The following AGO4 variants were observed in gnomAD, a reference collection of about 807,000 sequenced individuals.
The protein encoded by AGO4 is argonaute RISC component 4.
In AGO4, 33 loss-of-function variants were observed where a neutral mutation model predicts 104.7. The ratio of observed to expected loss-of-function variants is 0.32; its 90% confidence interval spans 0.24 to 0.42. AGO4 has a LOEUF of 0.42. AGO4 is among the 10% of genes least tolerant of loss of function. The pLI is 1.00. For synonymous variants in AGO4, 331 were observed against 364.7 expected (o/e 0.91, Z 1.05); for missense variants, 711 against 1,083.4 (o/e 0.66, Z 4.83).
intron 13 of AGO4, among the ~76,000 whole-genome samples, chr1:35,836,542 T>C (rs1246167677): frequency 5.9e-5 from 9 of 152,230 alleles, no homozygotes; most frequent in African/African-American, 1.7e-4. Flanking sequence ...CCCCAGTACC[T>C]GGGACTACAG....
At chr1:35,819,966 A>G (rs1643856157) in intron 2 of AGO4, among the ~76,000 whole-genome samples, 1 of 152,178 alleles carries the variant, frequency 6.6e-6, no homozygotes, top group African/African-American at 2.4e-5. Context: ...TAAGGCTCCT[A>G]CACTGGGTCT....
chr1:35,824,918 G>A (rs1437486402), intron 3 of AGO4, among the ~76,000 whole-genome samples: 1 of 152,034 alleles, frequency 6.6e-6, no homozygotes, highest in East Asian at 1.9e-4. Context: ...CGAAAACTCT[G>A]TACCTATTAA....
intron 3 of AGO4, 139 bp from the exon 4 acceptor site, chr1:35,825,174 A>T: frequency 1.3e-6 from 1 of 789,922 alleles, no homozygotes; most frequent in Non-Finnish European, 2.0e-6. Flanking sequence ...ATGGACACTA[A>T]GTTGTTTCCA....
intron 13 of AGO4, among the ~76,000 whole-genome samples, chr1:35,840,450 C>A (rs1364945710): frequency 6.6e-6 from 1 of 152,130 alleles, no homozygotes; most frequent in Non-Finnish European, 1.5e-5. Context: ...GCGTGAGTCA[C>A]CATGCCCGGC....
At chr1:35,839,984 G>A (rs1644400328) in intron 13 of AGO4, among the ~76,000 whole-genome samples, 2 of 151,372 alleles carry the variant, frequency 1.3e-5, no homozygotes, top group Non-Finnish European at 2.9e-5. Flanking sequence ...AAAAAAAAAG[G>A]GTATTGTTTT....
intron 1 of AGO4, among the ~76,000 whole-genome samples, chr1:35,809,288 C>T (rs778868882): frequency 1.3e-5 from 2 of 152,232 alleles, no homozygotes; most frequent in Non-Finnish European, 2.9e-5. Flanking sequence ...GGGCCTGGTG[C>T]TTCCACCTCA....
At chr1:35,826,148 C>G (rs1333982508) in intron 6 of AGO4, 88 bp downstream of exon 6, 5 of 1,519,032 alleles carry the variant, frequency 3.3e-6, no homozygotes, top group Non-Finnish European at 4.4e-6. Flanking sequence ...ACCTGGGCTT[C>G]GGTCTCAGGC....
intron 13 of AGO4, among the ~76,000 whole-genome samples, chr1:35,836,600 G>A (rs1463071234): frequency 2.6e-5 from 4 of 152,116 alleles, no homozygotes; most frequent in East Asian, 1.9e-4. Flanking sequence ...TAGTAGAGAC[G>A]GGGTTTCACC....
chr1:35,844,577 T>G (rs1481990406), intron 15 of AGO4, among the ~76,000 whole-genome samples: 1 of 152,092 alleles, frequency 6.6e-6, no homozygotes, highest in African/African-American at 2.4e-5. Context: ...CTCAGCTGCC[T>G]CTCCTCTACT....
Position 35,841,818 on chromosome 1 carries a change from A to G in AGO4, c.2175+68A>G, listed in dbSNP as rs1281170915. On this transcript the variant is annotated intron_variant, in intron 15 of 17. Coordinates refer to ENST00000373210, the MANE Select transcript of AGO4 (RefSeq NM_017629.4). This position sits in a 1 kb window ranked among gnomAD's most constrained non-coding sequence, Gnocchi z 4.7. ...AAGAGATGTATATATGCACATATAT[A>G]TATATATATATATATATATACACCA... 1.8e-5 allele frequency: 13 copies of G among 742,288 alleles called. No homozygotes were observed. The East Asian group carries it at 5.1e-4, about 29-fold the overall frequency. 46.0% of individuals were successfully genotyped at this position (742,288 alleles called of 1,614,324 possible). A position where few individuals can be genotyped will look rare whatever the true frequency, so the allele number is the denominator to read the frequency against.
intron 7 of AGO4, among the ~76,000 whole-genome samples, chr1:35,828,516 C>G (rs1436587859): frequency 2.0e-5 from 3 of 151,898 alleles, no homozygotes; most frequent in African/African-American, 7.3e-5. Context: ...TCCTAATCAC[C>G]CAACACTTCT....
chr1:35,825,259 T>A, intron 3 of AGO4, 54 bp from the exon 4 acceptor site: 4 of 1,574,008 alleles, frequency 2.5e-6, no homozygotes, highest in Non-Finnish European at 3.5e-6. Flanking sequence ...CTTGGGATCT[T>A]TCCCACAGCC....
At chr1:35,845,404 A>G (rs1159449853) in intron 15 of AGO4, among the ~76,000 whole-genome samples, 2 of 151,674 alleles carry the variant, frequency 1.3e-5, no homozygotes, top group East Asian at 3.9e-4. Context: ...ACAGGGTTTC[A>G]CTATGTTGGC....
chr1:35,850,827 A>AC (rs397697105), intron 16 of AGO4, 27 bp from the exon 17 acceptor site: 26 of 1,544,668 alleles, frequency 1.7e-5, no homozygotes, highest in Middle Eastern at 1.7e-4. Flanking sequence ...CAAAAAAAAA[A>AC]CATTAATCAT....
intron 3 of AGO4, among the ~76,000 whole-genome samples, chr1:35,824,135 C>T (rs1044941676): frequency 6.6e-6 from 1 of 151,998 alleles, no homozygotes; most frequent in African/African-American, 2.4e-5. Context: ...CTTTTTTAAA[C>T]ATTTATTTTT....
At chr1:35,840,021 T>G (rs991269410) in intron 13 of AGO4, among the ~76,000 whole-genome samples, 14 of 151,958 alleles carry the variant, frequency 9.2e-5, no homozygotes, top group South Asian at 2.1e-4. Flanking sequence ...AGATGGAGTC[T>G]TCCTCTGTCA....
chr1:35,809,612 TG>T (rs1220522083), intron 1 of AGO4, among the ~76,000 whole-genome samples: 5 of 152,222 alleles, frequency 3.3e-5, no homozygotes, highest in African/African-American at 1.2e-4. Flanking sequence ...TAATATTGTT[TG>T]ATAAACTTCA....
At chr1:35,837,274 G>A (rs777892889) in intron 13 of AGO4, among the ~76,000 whole-genome samples, 2 of 152,070 alleles carry the variant, frequency 1.3e-5, no homozygotes, top group Non-Finnish European at 2.9e-5. Flanking sequence ...AGTAGAGACA[G>A]GGTTTCACCA....
intron 17 of AGO4, among the ~76,000 whole-genome samples, chr1:35,853,183 A>G (rs1456233976): frequency 2.0e-5 from 3 of 150,420 alleles, no homozygotes; most frequent in Admixed American, 6.7e-5. Flanking sequence ...CCCGGGAGGC[A>G]GAGCTTGCAG....
Sources: allele counts gnomAD v4.1 joint callset (sites outside exome capture counted in the v4.1 genomes callset), GRCh38; gene constraint gnomAD v4.1.1; non-coding constraint Gnocchi (gnomAD v3.1); transcripts MANE v1.5; gene names NCBI Gene and HGNC (gene_info 2026-07-23, HGNC 2026-07-21).